ACAD8: variants seen among roughly 807,000 people sequenced by gnomAD.
The protein encoded by ACAD8 is isobutyryl-CoA dehydrogenase, mitochondrial.
ACAD8 carries 47 observed loss-of-function variants against 53.1 expected under a neutral mutation model. The ratio of observed to expected loss-of-function variants is 0.89; its 90% CI spans 0.70 to 1.13. ACAD8 has a LOEUF of 1.13. ACAD8 is among the 50% of genes most tolerant of loss of function. The probability of loss-of-function intolerance (pLI) is 0.00; values close to 1 mark genes in which losing one functional copy is unlikely to be tolerated. For synonymous variants in ACAD8, 198 were observed against 201.3 expected, an observed-to-expected ratio of 0.98 and a Z score of 0.14; for missense variants, 494 against 535.0, an observed-to-expected ratio of 0.92 and a Z score of 0.76.
At chr11:134,263,044 A>G in intron 10 of ACAD8, 1 of 1,180,342 alleles carries the variant, frequency 8.5e-7, no homozygotes, top group South Asian at 1.6e-5. Context: ...CAGATGGCCT[A>G]AAAGATACCT....
chr11:134,265,258 T>C lies in ACAD8; in HGVS notation c.*298T>C, dbSNP rs1326748854. ...TCACCGTCAAACCATGAAAGTCCTT[T>C]CTTGGATCCACTTTATCTTGATTAG... On this transcript the variant is annotated 3_prime_UTR_variant, in exon 11 of 11. Coordinates refer to ENST00000281182, the MANE Select transcript of ACAD8 (RefSeq NM_014384.3). The C allele has an allele frequency of 2.1e-6, 1 of 482,790 alleles. No individual in the cohort carries two copies. 29.9% of individuals were successfully genotyped at this position (482,790 alleles called of 1,614,324 possible). A position where few individuals can be genotyped will look rare whatever the true frequency, so the allele number is the denominator to read the frequency against.
At chr11:134,263,306 T>C in intron 10 of ACAD8, 2 of 1,001,418 alleles carry the variant, frequency 2.0e-6, no homozygotes, top group Non-Finnish European at 1.2e-6. Flanking sequence ...GGAAACATTA[T>C]ATAATGGGGC....
chr11:134,263,930 C>T lies in ACAD8; in HGVS notation c.1196-978C>T, dbSNP rs1320722077. 5.1e-6 allele frequency: 5 copies of T among 985,232 alleles called. No homozygotes were observed. The African/African-American group carries it at 8.7e-5, about 17-fold the overall frequency. The allele number at this position is 985,232 out of a possible 1,614,324, so 61.0% of individuals were successfully genotyped here. The stretch of plus-strand genomic sequence containing the variant: ...TTATATTTCTTTTTGCATTAAAGGC[C>T]ACTGCTAAAAATGAAGCAAATAATT... On this transcript the variant is annotated intron_variant, in intron 10 of 10. Transcript: ENST00000281182.
At chr11:134,262,218 G>A (rs1300615945) in intron 9 of ACAD8, 1 of 649,388 alleles carries the variant, frequency 1.5e-6, no homozygotes, top group Non-Finnish European at 2.8e-6. Context: ...GCCACTAGGG[G>A]GAACCATAGC....
rs565829407 is a variant in ACAD8 at position 134,261,593 on chromosome 11, A to C, written c.940-145A>C. 92 of 1,544,262 alleles carry C rather than the reference A, an allele frequency of 6.0e-5. No individual in the cohort carries two copies. The highest frequency in any genetic ancestry group is 3.3e-4 in the Middle Eastern group (2 of 5,988). Reference sequence around the variant, plus strand: ...GTGGACTTAGCACTTAAAAGCAATAAATTTCCTCTATAGAAAAAGCAAGAG... The same window carrying C: ...GTGGACTTAGCACTTAAAAGCAATACATTTCCTCTATAGAAAAAGCAAGAG... On this transcript the variant is annotated intron_variant, in intron 8 of 10. Transcript: ENST00000281182. This position sits in a 1 kb window ranked among gnomAD's most constrained non-coding sequence, Gnocchi z 4.2.
chr11:134,263,309 A>G, intron 10 of ACAD8: 1 of 1,000,362 alleles, frequency 1.0e-6, no homozygotes, highest in Non-Finnish European at 1.2e-6. Context: ...AACATTATAT[A>G]ATGGGGCTTC....
In ACAD8 at chr11:134,256,858, G is replaced by A. The variant is rs931541133; in HGVS notation, c.210+210G>A. 17 of 659,226 alleles carry A rather than the reference G, an allele frequency of 2.6e-5. 1 individual carries two copies. The highest frequency in any genetic ancestry group is 2.6e-4 in the African/African-American group (14 of 54,796). The allele number at this position is 659,226 out of a possible 1,614,324, so 40.8% of individuals were successfully genotyped here. Reference sequence around the variant, plus strand: ...TTTTTGTTAGTTGAATAAAGATTTGGATATAAAACTAAGGCAGTTCTATAG... The same window carrying A: ...TTTTTGTTAGTTGAATAAAGATTTGAATATAAAACTAAGGCAGTTCTATAG... On this transcript the variant is annotated intron_variant, in intron 2 of 10. Coordinates refer to ENST00000281182, the MANE Select transcript of ACAD8 (RefSeq NM_014384.3).
chr11:134,253,744 C>T, intron 1 of ACAD8, 35 bp downstream of exon 1: 1 of 1,551,468 alleles, frequency 6.4e-7, no homozygotes, highest in Non-Finnish European at 8.7e-7. Context: ...GGACAGGTGT[C>T]CAGAACCCCG....
chr11:134,253,572 T>A lies in ACAD8; in HGVS notation c.-29T>A, dbSNP rs533296754. ...CAACGGAGGTCGAAGGCGTTCAGAC[T>A]CTTAGCTGAACGCGGAGCTGCGGCG... On this transcript the variant is annotated 5_prime_UTR_variant, in exon 1 of 11. Transcript: ENST00000281182. 5.8e-6 allele frequency: 9 copies of A among 1,554,602 alleles called. 1 individual carries two copies. In the East Asian group the frequency reaches 2.2e-4, roughly 37 times the overall value.
In ACAD8 at chr11:134,253,615, C is replaced by T; in HGVS notation, c.15C>T (p.Gly5=). Residue 5 remains glycine (G), a synonymous_variant, in exon 1 of 11, where the codon GGC becomes GGT. Coordinates refer to ENST00000281182, the MANE Select transcript of ACAD8 (RefSeq NM_014384.3). MLWS[G]CRRFGARLGC... ...CTGCGGCGGCTATGCTGTGGAGCGGCTGCCGGCGTTTCGGGGCGCGCCTCG... is the reference window on the plus strand; with the variant it reads ...CTGCGGCGGCTATGCTGTGGAGCGGTTGCCGGCGTTTCGGGGCGCGCCTCG... 10 of 1,581,836 alleles carry T rather than the reference C, an allele frequency of 6.3e-6. No individual in the cohort carries two copies. Among genetic ancestry groups the T allele is most frequent in the Non-Finnish European group, 8.6e-6 (10 of 1,167,258 alleles).
intron 10 of ACAD8, chr11:134,262,980 A>G: frequency 8.2e-7 from 1 of 1,223,522 alleles, no homozygotes; most frequent in Non-Finnish European, 1.0e-6. Flanking sequence ...ACAGTGATGG[A>G]CAAGGCAAAT....
chr11:134,263,397 G>A (rs747441435), intron 10 of ACAD8: 16 of 986,712 alleles, frequency 1.6e-5, no homozygotes, highest in East Asian at 1.1e-4. Context: ...CGCAGATTGC[G>A]GGCCTCAACC....
intron 3 of ACAD8, 58 bp downstream of exon 3, chr11:134,257,315 T>C: frequency 1.3e-6 from 2 of 1,588,344 alleles, no homozygotes; most frequent in Non-Finnish European, 1.7e-6. Context: ...ACTGTGAGAG[T>C]TCAGATTCGT....
At chr11:134,258,738 T>C in intron 4 of ACAD8, 114 bp downstream of exon 4, 1 of 863,904 alleles carries the variant, frequency 1.2e-6, no homozygotes, top group Non-Finnish European at 1.9e-6. Flanking sequence ...TTTATCTAGC[T>C]GTTTGGTTGA....
chr11:134,261,662 T>G lies in ACAD8; in HGVS notation c.940-76T>G, dbSNP rs760765311. 1.2e-5 allele frequency: 19 copies of G among 1,604,410 alleles called. No individual in the cohort carries two copies. The highest frequency in any genetic ancestry group is 1.7e-5 in the Admixed American group (1 of 59,794). On this transcript the variant is annotated intron_variant, in intron 8 of 10. Coordinates refer to ENST00000281182, the MANE Select transcript of ACAD8 (RefSeq NM_014384.3). The surrounding 1 kb of genome is among the most constrained non-coding windows in gnomAD (Gnocchi z 4.2). ...ACTTAGAAAAGGCGCCTCCGAGATG[T>G]CTTACCGAGGCTCCTGCACCAGGTG...
intron 1 of ACAD8, 136 bp from the exon 2 acceptor site, chr11:134,256,412 G>C: frequency 5.7e-6 from 4 of 705,106 alleles, no homozygotes; most frequent in Non-Finnish European, 1.0e-5. Flanking sequence ...CCATTCTCTA[G>C]CTGTTAAAGG....
chr11:134,258,732 TCTAG>T (rs1939700428), intron 4 of ACAD8, 108 bp downstream of exon 4: 1 of 880,352 alleles, frequency 1.1e-6, no homozygotes. Context: ...CCACTGTTTA[TCTAG>T]CTGTTTGGTT....
rs1371043079 is a variant in ACAD8, at chr11:134,261,982, C to A, written c.1092+92C>A. 9.6e-6 allele frequency: 14 copies of A among 1,452,354 alleles called. No individual in the cohort carries two copies. In the African/African-American group the frequency reaches 1.7e-4, roughly 17 times the overall value. The allele number at this position is 1,452,354 out of a possible 1,614,324, so 90.0% of individuals were successfully genotyped here. On this transcript the variant is annotated intron_variant, in intron 9 of 10. Coordinates refer to ENST00000281182, the MANE Select transcript of ACAD8 (RefSeq NM_014384.3). The surrounding 1 kb of genome is among the most constrained non-coding windows in gnomAD (Gnocchi z 4.2). ...GACATGAGTCAGATTTGGAACCCAG[C>A]CCTCCTGGAATCCCACAAGGATCAC...
Position 134,261,447 on chromosome 11 carries a change from G to A in ACAD8, c.939+75G>A. ...ACCTGCTCTAGGGCCCACATTTCCA[G>A]GAGAGAAGCCAGGAAATTCCTCTGT... On this transcript the variant is annotated intron_variant, in intron 8 of 10. Transcript: ENST00000281182. This position sits in a 1 kb window ranked among gnomAD's most constrained non-coding sequence, Gnocchi z 4.2. 1 of 1,569,182 alleles carries A rather than the reference G, an allele frequency of 6.4e-7. No individual in the cohort carries two copies. Among genetic ancestry groups the A allele is most frequent in the Non-Finnish European group, 8.8e-7 (1 of 1,140,828 alleles).
Sources: allele counts gnomAD v4.1 joint callset, GRCh38; gene constraint gnomAD v4.1.1; non-coding constraint Gnocchi (gnomAD v3.1); transcripts MANE v1.5; gene names NCBI Gene and HGNC (gene_info 2026-07-23, HGNC 2026-07-21).